LOXHD1: variants seen among roughly 807,000 people sequenced by gnomAD.
The protein encoded by LOXHD1 is lipoxygenase homology domain-containing protein 1.
LOXHD1 carries 205 observed loss-of-function variants against 248.2 expected under a neutral mutation model. The observed-to-expected ratio is 0.83, with a 90% CI of 0.74 to 0.93. The LOEUF (loss-of-function observed/expected upper bound fraction) is 0.93, where lower values mean the gene tolerates loss of function less well. Among genes scored for constraint, LOXHD1 ranks in the 40% least tolerant of loss-of-function variants. The pLI is 0.00. For synonymous variants in LOXHD1, 1,113 were observed against 1,162.8 expected, an observed-to-expected ratio of 0.96 and a Z score of 0.87; for missense variants, 2,930 against 2,971.6, an observed-to-expected ratio of 0.99 and a Z score of 0.33.
chr18:46,530,191 C>A (rs1012373434), intron 28 of LOXHD1, among the ~76,000 whole-genome samples: 3 of 151,964 alleles, frequency 2.0e-5, no homozygotes, highest in Non-Finnish European at 4.4e-5. Flanking sequence ...CTGGATTATC[C>A]CCAAGGTGAG....
intron 22 of LOXHD1, 80 bp from the exon 23 acceptor site, chr18:46,545,501 TAGAAGGGCTTCCTTG>T: frequency 9.6e-7 from 1 of 1,041,220 alleles, no homozygotes; most frequent in South Asian, 1.4e-5. Flanking sequence ...CCACCTCCTC[TAGAAGGGCTTCCTTG>T]ATTCACTCCC....
chr18:46,575,142 C>T (rs2037830423), intron 14 of LOXHD1, among the ~76,000 whole-genome samples: 1 of 152,128 alleles, frequency 6.6e-6, no homozygotes, highest in South Asian at 2.1e-4. Context: ...CTCGTCCCCA[C>T]CCCTCAGCTC....
intron 24 of LOXHD1, 107 bp downstream of exon 24, chr18:46,542,620 A>G: frequency 1.2e-5 from 16 of 1,346,634 alleles, no homozygotes; most frequent in Non-Finnish European, 1.5e-5. Flanking sequence ...GTGTCATTAC[A>G]GAAGACAGAT....
intron 12 of LOXHD1, 59 bp from the exon 13 acceptor site, chr18:46,579,843 C>G (rs2037930198): frequency 6.6e-7 from 1 of 1,509,970 alleles, no homozygotes; most frequent in Non-Finnish European, 8.9e-7. Flanking sequence ...ATCCCTAGCC[C>G]TGCTGCTCCC....
chr18:46,601,414 TG>T lies in LOXHD1; in HGVS notation c.936del (p.Lys313AsnfsTer46). 6.4e-7 allele frequency: 1 copy of T among 1,551,768 alleles called. No individual in the cohort carries two copies. Among genetic ancestry groups the T allele is most frequent in the Non-Finnish European group, 8.7e-7 (1 of 1,147,010 alleles). ...TACATGACCAAGTAGATTTTGGATT[TG>T]GTACCAGCCCCCCGGACATCCCCAG... The part of the protein sequence containing the change: ...VFTGDVRGAG[T>X]KSKIYLVMYG... On this transcript the variant is annotated frameshift_variant, in exon 8 of 41. Coordinates refer to ENST00000642948, the MANE Select transcript of LOXHD1 (RefSeq NM_001384474.1). LOFTEE classifies it high-confidence loss of function.
chr18:46,593,866 G>C, intron 9 of LOXHD1, 106 bp from the exon 10 acceptor site: 2 of 1,160,996 alleles, frequency 1.7e-6, no homozygotes, highest in Non-Finnish European at 2.5e-6. Context: ...TGAAGGGCGG[G>C]GTATACACAG....
Position 46,593,991 on chromosome 18 carries a change from T to C in LOXHD1, c.1271-231A>G, listed in dbSNP as rs569788345. Among the ~76,000 whole-genome samples, 7 of 152,318 alleles carry C rather than the reference T, an allele frequency of 4.6e-5. No individual in the cohort carries two copies. In the East Asian group the frequency reaches 1.4e-3, roughly 29 times the overall value. The stretch of plus-strand genomic sequence containing the variant: ...TTAATGGCTAAAGTGTATTCGTATG[T>C]TTTAAATCGGGGAACGAGTTGACTC... On this transcript the variant is annotated intron_variant, in intron 9 of 40. Transcript: ENST00000642948.
At chr18:46,544,174 C>G (rs1342906687) in intron 23 of LOXHD1, among the ~76,000 whole-genome samples, 1 of 152,206 alleles carries the variant, frequency 6.6e-6, no homozygotes, top group Admixed American at 6.5e-5. Context: ...TTTAAGTATA[C>G]AGAGAGATAG....
intron 21 of LOXHD1, 31 bp from the exon 22 acceptor site, chr18:46,547,089 G>A (rs1054238329): frequency 3.2e-6 from 5 of 1,551,454 alleles, no homozygotes; most frequent in Non-Finnish European, 4.4e-6. Context: ...AGATTGGAAT[G>A]TCCTCTTAGA....
At chr18:46,593,522 G>A in intron 10 of LOXHD1, 78 bp downstream of exon 10, 1 of 1,493,702 alleles carries the variant, frequency 6.7e-7, no homozygotes, top group Non-Finnish European at 9.0e-7. Flanking sequence ...ACCTGGCTTA[G>A]AGAACCAGAA....
At chr18:46,536,213 G>T (rs970719120) in intron 26 of LOXHD1, among the ~76,000 whole-genome samples, 11 of 152,152 alleles carry the variant, frequency 7.2e-5, no homozygotes, top group Admixed American at 3.9e-4. Context: ...CTGGCCCTTG[G>T]ATGTTCTCAA....
At position 46,656,849 on chromosome 18, in the gene LOXHD1, C is replaced by G. The variant is rs895004929; in HGVS notation, c.130+55G>C. 2.0e-6 allele frequency: 3 copies of G among 1,538,050 alleles called. No individual in the cohort carries two copies. In the African/African-American group the frequency reaches 4.1e-5, roughly 21 times the overall value. On this transcript the variant is annotated intron_variant, in intron 1 of 40. Coordinates refer to ENST00000642948, the MANE Select transcript of LOXHD1 (RefSeq NM_001384474.1). Reference sequence around the variant, plus strand: ...GACTCCCCATAGACAGGAACAGACCCCTGCCCACCGCAGCCAGCTGCACCA... The same window carrying G: ...GACTCCCCATAGACAGGAACAGACCGCTGCCCACCGCAGCCAGCTGCACCA...
chr18:46,505,002 T>C (rs1393778398), intron 37 of LOXHD1, among the ~76,000 whole-genome samples: 1 of 152,164 alleles, frequency 6.6e-6, no homozygotes, highest in Non-Finnish European at 1.5e-5. Context: ...AGCAAAATGA[T>C]AACCAAAGAA....
chr18:46,587,165 T>C (rs2038077660), intron 12 of LOXHD1, among the ~76,000 whole-genome samples: 2 of 152,206 alleles, frequency 1.3e-5, no homozygotes, highest in Admixed American at 6.5e-5. Flanking sequence ...CGTTTAAAAT[T>C]CAAATACTAA....
Position 46,557,350 on chromosome 18 carries a change from A to C in LOXHD1, c.3350+6T>G, listed in dbSNP as rs917956716. The C allele has an allele frequency of 3.9e-6, 6 of 1,550,064 alleles. No individual in the cohort carries two copies. The highest frequency in any genetic ancestry group is 5.2e-6 in the Non-Finnish European group (6 of 1,146,682). On this transcript the variant is annotated splice_donor_region_variant and intron_variant, in intron 21 of 40. Coordinates refer to ENST00000642948, the MANE Select transcript of LOXHD1 (RefSeq NM_001384474.1). ...ACCCCTCCCTGCCCACTGCCCCCAC[A>C]CTCACGTGATCTCGTTGTTCATGTC...
chr18:46,627,702 G>A (rs1014513096), intron 4 of LOXHD1, among the ~76,000 whole-genome samples: 1 of 152,138 alleles, frequency 6.6e-6, no homozygotes, highest in African/African-American at 2.4e-5. Flanking sequence ...ATTCCCAGGT[G>A]TGTGAGTGAC....
At chr18:46,588,390 C>G (rs1433938373) in intron 12 of LOXHD1, among the ~76,000 whole-genome samples, 2 of 152,166 alleles carry the variant, frequency 1.3e-5, no homozygotes, top group Admixed American at 1.3e-4. Flanking sequence ...TTATTTTTCT[C>G]CTTGAAATGA....
chr18:46,538,202 T>A lies in LOXHD1; in HGVS notation c.4049A>T (p.Gln1350Leu). The change falls in exon 26 of 41, where the codon CAG becomes CTG. Residue 1350 changes from glutamine to leucine, a missense_variant. Gln to Leu is a moderately radical substitution (Grantham distance 113). Transcript: ENST00000642948. ...QKYLCTNKRE[Q>L]KQFFERKSAS... ...AGACTTCCTCTCAAAGAACTGCTTC[T>A]GTTCCCTCTTGTTGGTACACAGATA... 2 of 1,540,460 alleles carry A rather than the reference T, an allele frequency of 1.3e-6. No individual in the cohort carries two copies. The highest frequency in any genetic ancestry group is 2.4e-5 in the South Asian group (2 of 83,862).
intron 4 of LOXHD1, among the ~76,000 whole-genome samples, chr18:46,619,314 G>A (rs2038635301): frequency 6.6e-6 from 1 of 152,198 alleles, no homozygotes; most frequent in Non-Finnish European, 1.5e-5. Context: ...CTGCCCACCT[G>A]TTCCCTAGTG....
Sources: allele counts gnomAD v4.1 joint callset (sites outside exome capture counted in the v4.1 genomes callset), GRCh38; gene constraint gnomAD v4.1.1; transcripts MANE v1.5; gene names NCBI Gene and HGNC (gene_info 2026-07-23, HGNC 2026-07-21).